DNAJC6: variants seen among roughly 807,000 people sequenced by gnomAD.
DNAJC6 encodes DnaJ heat shock protein family (Hsp40) member C6, also known as auxilin.
DNAJC6 carries 34 observed loss-of-function variants against 110.0 expected under a neutral mutation model. That is an observed-to-expected ratio of 0.31 (90% CI 0.24 to 0.41). The LOEUF (loss-of-function observed/expected upper bound fraction) is 0.41, where lower values mean the gene tolerates loss of function less well. Ranked by LOEUF, DNAJC6 falls within the 10% of genes least tolerant of loss-of-function variation. The pLI, the probability that DNAJC6 is intolerant of heterozygous loss-of-function variation, is 1.00. For missense variants in DNAJC6, 1,031 were observed against 1,207.8 expected (o/e 0.85, Z 2.17); for synonymous variants, 406 against 437.2 (o/e 0.93, Z 0.89).
At chr1:65,391,044 G>A (rs1265291788) in intron 11 of DNAJC6, among the ~76,000 whole-genome samples, 1 of 152,194 alleles carries the variant, frequency 6.6e-6, no homozygotes, top group Non-Finnish European at 1.5e-5. Context: ...AGCCAGGTAT[G>A]TTTAGGAATG....
At chr1:65,325,822 C>CTA (rs1645236875) in intron 1 of DNAJC6, among the ~76,000 whole-genome samples, 1 of 152,198 alleles carries the variant, frequency 6.6e-6, no homozygotes, top group Non-Finnish European at 1.5e-5. Context: ...AGGCTGTAGG[C>CTA]TATAGCCTAT....
intron 4 of DNAJC6, among the ~76,000 whole-genome samples, chr1:65,376,331 A>G (rs1323405046): frequency 1.3e-5 from 2 of 151,632 alleles, no homozygotes; most frequent in East Asian, 1.9e-4. Flanking sequence ...ATTGTTTCAA[A>G]AAAAACAACC....
intron 1 of DNAJC6, among the ~76,000 whole-genome samples, chr1:65,323,415 G>A (rs1347986688): frequency 3.3e-5 from 5 of 152,046 alleles, no homozygotes; most frequent in Non-Finnish European, 7.4e-5. Flanking sequence ...CATGTAAGAC[G>A]TGTCTTGCTT....
At position 65,354,093 on chromosome 1, in the gene DNAJC6, C is replaced by T. The variant is rs76771084; in HGVS notation, c.194-10542C>T. Among the ~76,000 whole-genome samples the T allele has an allele frequency of 4.2e-3, 643 of 152,202 alleles. 4 individuals are homozygous for T. The highest frequency in any genetic ancestry group is 0.015 in the African/African-American group (621 of 41,526). ...GGACTGTGAAGAGGCATGAAACATG[C>T]TTCTTGCTGTTGAAGACTCAATAGC... On this transcript the variant is annotated intron_variant, in intron 1 of 18. Coordinates refer to ENST00000371069, the MANE Select transcript of DNAJC6 (RefSeq NM_001256864.2).
chr1:65,338,191 A>C (rs753134639), intron 1 of DNAJC6, among the ~76,000 whole-genome samples: 30 of 152,072 alleles, frequency 2.0e-4, no homozygotes, highest in Non-Finnish European at 4.0e-4. Flanking sequence ...TAAAAGGTAA[A>C]ATACATTATG....
At chr1:65,307,410 A>G (rs1645054611), upstream of DNAJC6, among the ~76,000 whole-genome samples, 1 of 152,212 alleles carries the variant, frequency 6.6e-6, no homozygotes, top group Non-Finnish European at 1.5e-5. Flanking sequence ...TGAAAAATAC[A>G]AAGGCATATG....
chr1:65,402,198 T>C (rs1174944739), intron 15 of DNAJC6, among the ~76,000 whole-genome samples: 1 of 152,186 alleles, frequency 6.6e-6, no homozygotes, highest in African/African-American at 2.4e-5. Flanking sequence ...AGGGAAACAG[T>C]ATGAGACAGG....
At chr1:65,384,692 C>A (rs559983759) in intron 6 of DNAJC6, among the ~76,000 whole-genome samples, 1 of 152,156 alleles carries the variant, frequency 6.6e-6, no homozygotes, top group African/African-American at 2.4e-5. Flanking sequence ...AAAACCCGCC[C>A]CCATGATTCA....
At chr1:65,406,199 T>G in intron 16 of DNAJC6, 66 bp downstream of exon 16, 1 of 1,546,804 alleles carries the variant, frequency 6.5e-7, no homozygotes, top group East Asian at 2.3e-5. Context: ...TGCCTGAATG[T>G]GTCTCTCTGA....
chr1:65,307,835 T>C (rs1459776926), upstream of DNAJC6, among the ~76,000 whole-genome samples: 3 of 152,242 alleles, frequency 2.0e-5, no homozygotes, highest in Non-Finnish European at 4.4e-5. Flanking sequence ...ATTGCAGTTT[T>C]TCCTGCCACC....
Position 65,405,458 on chromosome 1 carries a change from T to C in DNAJC6, c.2228-412T>C, listed in dbSNP as rs567678378. ...CCCATTCTTGTCATTTGGTGGTTTT[T>C]TTTAAATTTTATTCTAGTGAAGAAA... On this transcript the variant is annotated intron_variant, in intron 15 of 18. Transcript: ENST00000371069. Among the ~76,000 whole-genome samples, 10 of 152,316 alleles carry C rather than the reference T, an allele frequency of 6.6e-5. No homozygotes were observed. The East Asian group carries it at 1.9e-3, about 29-fold the overall frequency.
At chr1:65,376,914 T>C (rs1832017) in intron 4 of DNAJC6, among the ~76,000 whole-genome samples, 38,089 of 151,970 alleles carry the variant, frequency 0.25, 8,299 homozygotes, top group East Asian at 0.61. Context: ...GGATTACTGG[T>C]GCCTGGCACC....
chr1:65,324,514 A>G (rs944492922), intron 1 of DNAJC6, among the ~76,000 whole-genome samples: 1 of 151,776 alleles, frequency 6.6e-6, no homozygotes, highest in Non-Finnish European at 1.5e-5. Context: ...ACCCACCACC[A>G]TGGTTGGCTA....
At chr1:65,371,526 C>T (rs1193691459) in intron 4 of DNAJC6, among the ~76,000 whole-genome samples, 1 of 151,998 alleles carries the variant, frequency 6.6e-6, no homozygotes, top group Non-Finnish European at 1.5e-5. Context: ...CTGAATTATC[C>T]CCATCCTCCA....
chr1:65,374,964 A>G (rs1450408838), intron 4 of DNAJC6, among the ~76,000 whole-genome samples: 1 of 143,478 alleles, frequency 7.0e-6, no homozygotes, highest in Non-Finnish European at 1.5e-5. Context: ...TTCTGTATCT[A>G]TTTTCTGAGG....
chr1:65,389,274 T>C lies in DNAJC6; in HGVS notation c.1212T>C (p.Cys404=), dbSNP rs748491396. 1 of 1,614,082 alleles carries C rather than the reference T, an allele frequency of 6.2e-7. No homozygotes were observed. The highest frequency in any genetic ancestry group is 2.2e-5 in the East Asian group (1 of 44,874). ...LKFTKPELDA[C]DVPEKYPQLF... is the part of the protein sequence containing the mutation. Reference sequence around the variant, plus strand: ...TATTTAGGCCTGAGTTAGATGCATGTGATGTACCAGAAAAATATCCTCAGC... The same window carrying C: ...TATTTAGGCCTGAGTTAGATGCATGCGATGTACCAGAAAAATATCCTCAGC... Residue 404 remains cysteine (C), a synonymous_variant, in exon 10 of 19, where the codon TGT becomes TGC. Coordinates refer to ENST00000371069, the MANE Select transcript of DNAJC6 (RefSeq NM_001256864.2).
intron 1 of DNAJC6, among the ~76,000 whole-genome samples, chr1:65,289,127 C>A (rs550431340): frequency 2.6e-5 from 4 of 152,296 alleles, no homozygotes; most frequent in African/African-American, 9.6e-5. Context: ...AAGTTTTACT[C>A]CTCTCAGCAG....
chr1:65,331,266 G>A (rs1645286566), intron 1 of DNAJC6, among the ~76,000 whole-genome samples: 1 of 152,200 alleles, frequency 6.6e-6, no homozygotes, highest in South Asian at 2.1e-4. Flanking sequence ...AGGAAAAGTG[G>A]CAAAGCAGGA....
At chr1:65,364,610 G>GCT in intron 1 of DNAJC6, 25 bp from the exon 2 acceptor site, 1 of 1,441,978 alleles carries the variant, frequency 6.9e-7, no homozygotes, top group Non-Finnish European at 9.2e-7. Flanking sequence ...ATTTTTGTTT[G>GCT]TTTGTTTTTT....
Sources: gnomAD v4.1 joint callset for allele counts (sites outside exome capture counted in the v4.1 genomes callset) on GRCh38, gnomAD v4.1.1 for gene constraint, MANE v1.5 for transcripts, NCBI Gene and HGNC (gene_info 2026-07-23, HGNC 2026-07-21) for gene names.